The following MTMR8 variants were observed in gnomAD, a reference collection of about 807,000 sequenced individuals.
MTMR8 encodes the protein phosphatidylinositol-3,5-bisphosphate 3-phosphatase MTMR8.
MTMR8 carries 65 observed loss-of-function variants against 39.3 expected under a neutral mutation model. The ratio of observed to expected loss-of-function variants is 1.65; its 90% confidence interval spans 1.35 to 2.03. The LOEUF is 2.03. Ranked by LOEUF, MTMR8 falls within the 30% of genes most tolerant of loss-of-function variation. The probability of loss-of-function intolerance (pLI) is 0.00; values close to 1 mark genes in which losing one functional copy is unlikely to be tolerated. For missense variants in MTMR8, 777 were observed against 538.9 expected, an observed-to-expected ratio of 1.44 and a Z score of -4.37; for synonymous variants, 245 against 185.2, an observed-to-expected ratio of 1.32 and a Z score of -2.62.
At chrX:64,287,909 A>G (rs1921246092) in intron 12 of MTMR8, among the ~76,000 whole-genome samples, 1 of 103,346 alleles carries the variant, frequency 9.7e-6, no homozygotes, top group African/African-American at 3.5e-5. Context: ...GGCATGGGCA[A>G]GGACTTGATG....
At chrX:64,388,760 G>A (rs1924624215) in intron 1 of MTMR8, among the ~76,000 whole-genome samples, 1 of 112,415 alleles carries the variant, frequency 8.9e-6, no homozygotes, top group African/African-American at 3.2e-5. Context: ...GTCAGCATAG[G>A]GGAACACTGG....
At position 64,270,993 on chromosome X, in the gene MTMR8, T is replaced by C; in HGVS notation, c.1562A>G (p.Lys521Arg). 1 of 1,210,861 alleles carries C rather than the reference T, an allele frequency of 8.3e-7. No homozygotes were observed. The highest frequency in any genetic ancestry group is 1.1e-6 in the Non-Finnish European group (1 of 895,069). The change falls in exon 13 of 14, where the codon AAG becomes AGG. Residue 521 changes from lysine to arginine, a missense_variant. Physicochemically the swap from Lys to Arg is conservative, Grantham distance 26. Coordinates refer to ENST00000374852, the MANE Select transcript of MTMR8 (RefSeq NM_017677.4). ...TGTCTCCAGCATTGCTCTCTGTTTC[T>C]TAATTTCCAGGAGGCTCTCTAGCAT... ...QSMLESLLEI[K>R]KQRAMLETDV...
intron 4 of MTMR8, among the ~76,000 whole-genome samples, chrX:64,354,090 C>A (rs1238335384): frequency 9.7e-6 from 1 of 102,651 alleles, no homozygotes; most frequent in Non-Finnish European, 2.0e-5. Flanking sequence ...TAATCTCATT[C>A]ACATGTTGTA....
At chrX:64,336,919 C>T (rs1162357410) in intron 9 of MTMR8, among the ~76,000 whole-genome samples, 2 of 112,336 alleles carry the variant, frequency 1.8e-5, no homozygotes, top group Non-Finnish European at 3.8e-5. Context: ...AGAAAACAAT[C>T]ATAAGTCTGA....
Position 64,269,145 on chromosome X carries a change from T to A in MTMR8, c.1609-102A>T, listed in dbSNP as rs1166017771. ...GAGATCCTATTGCTGTCACTTATAA[T>A]GGTAGCAAATGACCTTTTGCTCACC... On this transcript the variant is annotated intron_variant, in intron 13 of 13. Transcript: ENST00000374852. 4.6e-6 allele frequency: 4 copies of A among 863,699 alleles called. No individual in the cohort carries two copies. In the East Asian group the frequency reaches 1.3e-4, roughly 28 times the overall value. 71.2% of individuals were successfully genotyped at this position (863,699 alleles called of 1,213,427 possible).
chrX:64,293,217 A>G (rs1291584989), intron 12 of MTMR8, among the ~76,000 whole-genome samples: 1 of 111,846 alleles, frequency 8.9e-6, no homozygotes, highest in East Asian at 2.8e-4. Context: ...GGCTAATGCT[A>G]AAACAACTGA....
At chrX:64,319,987 C>T (rs1397331469) in intron 12 of MTMR8, among the ~76,000 whole-genome samples, 1 of 111,066 alleles carries the variant, frequency 9.0e-6, no homozygotes, top group Non-Finnish European at 1.9e-5. Flanking sequence ...CTATAAATTA[C>T]CTTGGGCAGT....
chrX:64,373,800 G>A (rs1924189581), intron 1 of MTMR8, among the ~76,000 whole-genome samples: 2 of 111,042 alleles, frequency 1.8e-5, no homozygotes, highest in African/African-American at 6.6e-5. Context: ...TTCTCTTTGG[G>A]CAGGGACAGA....
intron 12 of MTMR8, among the ~76,000 whole-genome samples, chrX:64,320,637 G>A (rs1309696906): frequency 9.1e-6 from 1 of 109,716 alleles, no homozygotes; most frequent in African/African-American, 3.3e-5. Flanking sequence ...AGAATAAAAA[G>A]CCTGGGAAGG....
intron 12 of MTMR8, among the ~76,000 whole-genome samples, chrX:64,323,925 G>A (rs1922721016): frequency 8.9e-6 from 1 of 111,771 alleles, no homozygotes; most frequent in Non-Finnish European, 1.9e-5. Context: ...AGTTCTAAAA[G>A]GAAATCTTAT....
intron 12 of MTMR8, among the ~76,000 whole-genome samples, chrX:64,327,549 A>C (rs1922829009): frequency 1.8e-5 from 2 of 112,441 alleles, no homozygotes; most frequent in African/African-American, 6.5e-5. Context: ...AAGGATGTGG[A>C]AAAAGGGGAA....
chrX:64,395,246 A>G, intron 1 of MTMR8, 94 bp downstream of exon 1: 4 of 943,937 alleles, frequency 4.2e-6, no homozygotes, highest in Non-Finnish European at 4.6e-6. Context: ...CGCGTCAAAG[A>G]AGGCTGAGAA....
At chrX:64,380,798 T>C (rs951927517) in intron 1 of MTMR8, among the ~76,000 whole-genome samples, 1 of 111,314 alleles carries the variant, frequency 9.0e-6, no homozygotes, top group Non-Finnish European at 1.9e-5. Context: ...GCTGTGTCCA[T>C]GTGTTCTCAT....
intron 12 of MTMR8, among the ~76,000 whole-genome samples, chrX:64,284,172 C>T (rs78082392): frequency 1.2e-4 from 13 of 111,861 alleles, no homozygotes; most frequent in African/African-American, 6.5e-5. Context: ...AACTATGTGA[C>T]GTACGCACAA....
intron 1 of MTMR8, among the ~76,000 whole-genome samples, chrX:64,367,808 G>A (rs1413237317): frequency 9.0e-6 from 1 of 111,565 alleles, no homozygotes; most frequent in African/African-American, 3.3e-5. Flanking sequence ...TAGGAAAAGA[G>A]GAAGTCAAAT....
chrX:64,377,590 C>A (rs1924303852), intron 1 of MTMR8, among the ~76,000 whole-genome samples: 2 of 112,405 alleles, frequency 1.8e-5, no homozygotes, highest in Non-Finnish European at 3.8e-5. Flanking sequence ...TTACCCAATG[C>A]CTGTACCTCT....
At chrX:64,270,062 A>C (rs1396068436) in intron 13 of MTMR8, among the ~76,000 whole-genome samples, 1 of 109,562 alleles carries the variant, frequency 9.1e-6, no homozygotes, top group Non-Finnish European at 1.9e-5. Flanking sequence ...GCCGTTAAGA[A>C]GTTTCTCTAC....
intron 12 of MTMR8, chrX:64,306,106 AC>A (rs1922107757): frequency 4.5e-6 from 1 of 224,118 alleles, no homozygotes; most frequent in South Asian, 7.6e-5. Flanking sequence ...AGCCCCTATC[AC>A]AGAAAAAAAA....
chrX:64,327,592 G>A (rs183852918), intron 12 of MTMR8, among the ~76,000 whole-genome samples: 33 of 112,307 alleles, frequency 2.9e-4, no homozygotes, highest in Admixed American at 2.7e-3. Context: ...ATGTAAATTC[G>A]TACATTCATT....
Sources: gnomAD v4.1 joint callset for allele counts (sites outside exome capture counted in the v4.1 genomes callset) on GRCh38, gnomAD v4.1.1 for gene constraint, MANE v1.5 for transcripts, NCBI Gene and HGNC (gene_info 2026-07-23, HGNC 2026-07-21) for gene names.